GLDC: variants seen among roughly 807,000 people sequenced by gnomAD.
The protein encoded by GLDC is glycine dehydrogenase (decarboxylating), mitochondrial.
In GLDC, 104 loss-of-function variants were observed where a neutral mutation model predicts 121.3. That is an observed-to-expected ratio of 0.86 (90% CI 0.73 to 1.01). GLDC has a LOEUF of 1.01. GLDC is among the 50% of genes least tolerant of loss of function. The pLI is 0.00. For synonymous variants in GLDC, 546 were observed against 480.6 expected (o/e 1.14, Z -1.78); for missense variants, 1,429 against 1,306.6 (o/e 1.09, Z -1.44).
chr9:6,535,560 A>G (rs1444787999), intron 23 of GLDC, among the ~76,000 whole-genome samples: 2 of 152,108 alleles, frequency 1.3e-5, no homozygotes, highest in Non-Finnish European at 2.9e-5. Context: ...TTCCAGCTTA[A>G]TATCTGGACT....
At chr9:6,565,682 C>A (rs1817842082) in intron 15 of GLDC, 1 of 607,324 alleles carries the variant, frequency 1.6e-6, no homozygotes, top group Non-Finnish European at 2.9e-6. Flanking sequence ...CTTTCTATAT[C>A]CTTGCTCAGG....
chr9:6,611,583 T>A (rs1018211144), intron 3 of GLDC, among the ~76,000 whole-genome samples: 1 of 151,978 alleles, frequency 6.6e-6, no homozygotes, highest in African/African-American at 2.4e-5. Flanking sequence ...TAGTACATCA[T>A]GAACATCTCC....
At chr9:6,571,907 T>C (rs1030870579) in intron 15 of GLDC, among the ~76,000 whole-genome samples, 3 of 152,128 alleles carry the variant, frequency 2.0e-5, no homozygotes, top group Non-Finnish European at 2.9e-5. Context: ...CAAACAAATA[T>C]ACCCAACTAT....
chr9:6,568,645 C>G (rs952980827), intron 15 of GLDC, among the ~76,000 whole-genome samples: 1 of 151,658 alleles, frequency 6.6e-6, no homozygotes, highest in South Asian at 2.1e-4. Flanking sequence ...ATCAGGAGTT[C>G]GAGACCAGCC....
chr9:6,625,689 T>C (rs1819221132), intron 2 of GLDC, among the ~76,000 whole-genome samples: 7 of 152,194 alleles, frequency 4.6e-5, no homozygotes, highest in Admixed American at 4.6e-4. Context: ...GTTTTGATTT[T>C]GCTTGTAGAC....
Position 6,564,801 on chromosome 9 carries a change from G to A in GLDC, c.1926+553C>T, listed in dbSNP as rs183325896. On this transcript the variant is annotated intron_variant, in intron 16 of 24. Transcript: ENST00000321612. Reference sequence around the variant, plus strand: ...GTCCCCAAGAGGCGATTGGGATCCTGGAGACCAGGTTCTCATATCCAAAGC... The same window carrying A: ...GTCCCCAAGAGGCGATTGGGATCCTAGAGACCAGGTTCTCATATCCAAAGC... Among the ~76,000 whole-genome samples the A allele has an allele frequency of 2.6e-5, 4 of 152,322 alleles. No individual in the cohort carries two copies. In the East Asian group the frequency reaches 7.7e-4, roughly 29 times the overall value.
In GLDC at chr9:6,607,421, A is replaced by G. The variant is rs998139622; in HGVS notation, c.636-752T>C. Among the ~76,000 whole-genome samples the G allele has an allele frequency of 3.3e-5, 5 of 151,994 alleles. No individual in the cohort carries two copies. The East Asian group carries it at 9.8e-4, about 30-fold the overall frequency. ...AACATAGCAAAACCCCAGCTCTACTAAAACTACAAAACGTAGCCAGGCATG... is the reference window on the plus strand; with the variant it reads ...AACATAGCAAAACCCCAGCTCTACTGAAACTACAAAACGTAGCCAGGCATG... On this transcript the variant is annotated intron_variant, in intron 4 of 24. Coordinates refer to ENST00000321612, the MANE Select transcript of GLDC (RefSeq NM_000170.3).
intron 9 of GLDC, among the ~76,000 whole-genome samples, chr9:6,594,565 G>A (rs764037967): frequency 6.6e-5 from 10 of 152,206 alleles, no homozygotes; most frequent in South Asian, 2.1e-4. Context: ...ACATGGTGGC[G>A]TGTACCTTAA....
chr9:6,548,412 T>C (rs1466516172), intron 21 of GLDC, among the ~76,000 whole-genome samples: 2 of 152,206 alleles, frequency 1.3e-5, no homozygotes, highest in Admixed American at 1.3e-4. Context: ...TTGTCACTTC[T>C]TTAGTACCCA....
intron 4 of GLDC, among the ~76,000 whole-genome samples, chr9:6,608,978 G>A (rs1398983426): frequency 1.3e-5 from 2 of 152,022 alleles, no homozygotes; most frequent in African/African-American, 4.8e-5. Flanking sequence ...TGCACCAGAG[G>A]CCTCTAAACT....
At chr9:6,630,355 C>G (rs1330061643) in intron 2 of GLDC, among the ~76,000 whole-genome samples, 1 of 152,090 alleles carries the variant, frequency 6.6e-6, no homozygotes, top group Non-Finnish European at 1.5e-5. Context: ...GGTGTACATC[C>G]CATCAGTCCC....
At chr9:6,602,015 G>T in intron 8 of GLDC, 94 bp downstream of exon 8, 1 of 817,252 alleles carries the variant, frequency 1.2e-6, no homozygotes, top group Non-Finnish European at 2.2e-6. Flanking sequence ...CTGCTCAGGA[G>T]GTGGTGAATA....
intron 8 of GLDC, among the ~76,000 whole-genome samples, chr9:6,600,814 G>A (rs1390048688): frequency 6.6e-6 from 1 of 152,176 alleles, no homozygotes; most frequent in Non-Finnish European, 1.5e-5. Flanking sequence ...GCAACTTCAA[G>A]GAGCAGAACC....
chr9:6,645,571 T>C lies in GLDC; in HGVS notation c.-72A>G. ...CTCTTGGCCCCTCTCCTGGCCTCGG[T>C]CCCCCGGGTGGCGGCTGCGCCCGGC... On this transcript the variant is annotated 5_prime_UTR_variant, in exon 1 of 25. Transcript: ENST00000321612. 2 of 1,141,430 alleles carry C rather than the reference T, an allele frequency of 1.8e-6. No individual in the cohort carries two copies. Among genetic ancestry groups the C allele is most frequent in the Non-Finnish European group, 1.1e-6 (1 of 905,332 alleles). 70.7% of individuals were successfully genotyped at this position (1,141,430 alleles called of 1,614,324 possible).
intron 3 of GLDC, among the ~76,000 whole-genome samples, chr9:6,615,869 C>T (rs1272033615): frequency 6.6e-6 from 1 of 152,162 alleles, no homozygotes; most frequent in African/African-American, 2.4e-5. Context: ...CCACCTCGGC[C>T]TCCCAAAGTG....
At chr9:6,550,696 G>C (rs1455072359) in intron 21 of GLDC, 107 bp downstream of exon 21, 4 of 779,466 alleles carry the variant, frequency 5.1e-6, no homozygotes, top group Non-Finnish European at 9.5e-6. Flanking sequence ...TCTGATATGT[G>C]CTAAGAAATA....
chr9:6,601,984 T>C lies in GLDC; in HGVS notation c.1155+125A>G, dbSNP rs995988486. On this transcript the variant is annotated intron_variant, in intron 8 of 24. Coordinates refer to ENST00000321612, the MANE Select transcript of GLDC (RefSeq NM_000170.3). Reference sequence around the variant, plus strand: ...ATGAGCCTTCTACACCAATAAGATCTTGCCATTTCTGGTGTGCTCACTGCT... The same window carrying C: ...ATGAGCCTTCTACACCAATAAGATCCTGCCATTTCTGGTGTGCTCACTGCT... 8.5e-6 allele frequency: 6 copies of C among 702,372 alleles called. No individual in the cohort carries two copies. The African/African-American group carries it at 1.0e-4, about 12-fold the overall frequency. The allele number at this position is 702,372 out of a possible 1,614,324, so 43.5% of individuals were successfully genotyped here.
chr9:6,604,439 C>G (rs1021804070), intron 7 of GLDC, 149 bp downstream of exon 7: 1 of 787,976 alleles, frequency 1.3e-6, no homozygotes, highest in African/African-American at 1.7e-5. Context: ...ATATCCCAAA[C>G]AGAATTGTTC....
intron 3 of GLDC, among the ~76,000 whole-genome samples, chr9:6,614,512 G>A (rs1222777406): frequency 1.3e-5 from 2 of 151,386 alleles, no homozygotes; most frequent in Non-Finnish European, 2.9e-5. Flanking sequence ...TGGGAATACA[G>A]GCGTGAGCCA....
Sources: allele counts gnomAD v4.1 joint callset (sites outside exome capture counted in the v4.1 genomes callset), GRCh38; gene constraint gnomAD v4.1.1; transcripts MANE v1.5; gene names NCBI Gene and HGNC (gene_info 2026-07-23, HGNC 2026-07-21).